Variants in KIAA1328 observed in about 807,000 individuals in gnomAD.
KIAA1328 encodes protein hinderin.
A neutral mutation model predicts 68.1 loss-of-function variants in KIAA1328; 52 were observed. That is an observed-to-expected ratio of 0.76 (90% CI 0.61 to 0.96). The LOEUF (loss-of-function observed/expected upper bound fraction) is 0.96, where lower values mean the gene tolerates loss of function less well. Among genes scored for constraint, KIAA1328 ranks in the 40% least tolerant of loss-of-function variants. KIAA1328 has a pLI of 0.00. For missense variants in KIAA1328, 641 were observed against 677.6 expected, an observed-to-expected ratio of 0.95 and a Z score of 0.60; for synonymous variants, 232 against 239.4, an observed-to-expected ratio of 0.97 and a Z score of 0.28.
intron 9 of KIAA1328, among the ~76,000 whole-genome samples, chr18:37,221,372 A>G (rs2060559854): frequency 6.6e-6 from 1 of 152,348 alleles, no homozygotes; most frequent in South Asian, 2.1e-4. Context: ...CTTACACATG[A>G]AAAGACTGAA....
chr18:37,051,068 G>C (rs933317837), intron 6 of KIAA1328, among the ~76,000 whole-genome samples: 11 of 152,034 alleles, frequency 7.2e-5, no homozygotes, highest in African/African-American at 2.7e-4. Flanking sequence ...TTATAATCAA[G>C]GTCTTTTGAC....
chr18:37,034,000 A>T (rs374778197), intron 6 of KIAA1328, among the ~76,000 whole-genome samples: 69 of 152,240 alleles, frequency 4.5e-4, no homozygotes, highest in African/African-American at 1.6e-3. Context: ...ATTTTGTCTA[A>T]TTTTCTAATT....
chr18:37,192,844 T>C (rs2059931777), intron 9 of KIAA1328, among the ~76,000 whole-genome samples: 1 of 152,218 alleles, frequency 6.6e-6, no homozygotes, highest in South Asian at 2.1e-4. Context: ...TTTCCCAGTA[T>C]TTGGAAGTAC....
intron 1 of KIAA1328, chr18:36,833,325 C>G (rs1411067767): frequency 6.6e-6 from 1 of 151,972 alleles, no homozygotes; most frequent in East Asian, 1.9e-4. Context: ...CTAAAGTGAG[C>G]CATGAAGATA....
intron 6 of KIAA1328, among the ~76,000 whole-genome samples, chr18:37,053,513 G>C (rs2055785765): frequency 6.6e-6 from 1 of 152,118 alleles, no homozygotes; most frequent in Non-Finnish European, 1.5e-5. Context: ...AAGAGCTTCT[G>C]CACAGCAAAA....
chr18:37,044,217 G>T (rs913829723), intron 6 of KIAA1328, among the ~76,000 whole-genome samples: 3 of 152,070 alleles, frequency 2.0e-5, no homozygotes, highest in African/African-American at 7.2e-5. Flanking sequence ...GGGAATTTTA[G>T]ACTATTGATT....
Position 37,140,780 on chromosome 18 carries a change from T to C in KIAA1328, c.1233-19420T>C, listed in dbSNP as rs149145619. Among the ~76,000 whole-genome samples, 22 of 152,288 alleles carry C rather than the reference T, an allele frequency of 1.4e-4. No homozygotes were observed. The East Asian group carries it at 4.0e-3, about 28-fold the overall frequency. On this transcript the variant is annotated intron_variant, in intron 7 of 9. Transcript: ENST00000280020. Reference sequence around the variant, plus strand: ...GCTAAATAAGAATGACAGAAAACTGTTTCTAATAATTCCATCCATATCAGT... The same window carrying C: ...GCTAAATAAGAATGACAGAAAACTGCTTCTAATAATTCCATCCATATCAGT...
chr18:36,897,904 A>G (rs536434250), intron 5 of KIAA1328, among the ~76,000 whole-genome samples: 1 of 152,194 alleles, frequency 6.6e-6, no homozygotes, highest in South Asian at 2.1e-4. Context: ...TTAAATTTAA[A>G]AAAATTATAT....
intron 7 of KIAA1328, among the ~76,000 whole-genome samples, chr18:37,112,748 C>G (rs2057972331): frequency 6.6e-6 from 1 of 152,064 alleles, no homozygotes; most frequent in Admixed American, 6.6e-5. Context: ...CGCAAAGAAG[C>G]TGAATACCTT....
intron 7 of KIAA1328, among the ~76,000 whole-genome samples, chr18:37,100,501 G>A (rs918488662): frequency 2.6e-5 from 4 of 152,240 alleles, no homozygotes; most frequent in African/African-American, 9.6e-5. Context: ...TGAGGGTTGA[G>A]TAGGTAAACA....
At chr18:36,886,289 C>T (rs554984356) in intron 5 of KIAA1328, 1 of 152,268 alleles carries the variant, frequency 6.6e-6, no homozygotes, top group South Asian at 2.1e-4. Flanking sequence ...TTCTGTTGCA[C>T]TGCTGTAATT....
chr18:37,168,194 ATTGT>A (rs1452538135), intron 8 of KIAA1328, among the ~76,000 whole-genome samples: 4 of 152,252 alleles, frequency 2.6e-5, no homozygotes. Flanking sequence ...TTTATAGGAA[ATTGT>A]TTGTTGACTC....
At chr18:36,975,899 C>T (rs1328083609) in intron 6 of KIAA1328, among the ~76,000 whole-genome samples, 1 of 151,962 alleles carries the variant, frequency 6.6e-6, no homozygotes, top group East Asian at 1.9e-4. Flanking sequence ...AATTTTGTAC[C>T]TATGATTTAC....
At chr18:37,068,949 G>T (rs1387890568) in intron 7 of KIAA1328, among the ~76,000 whole-genome samples, 1 of 152,014 alleles carries the variant, frequency 6.6e-6, no homozygotes, top group East Asian at 1.9e-4. Context: ...GTTGCTTAAT[G>T]AGATCTTTCA....
intron 9 of KIAA1328, among the ~76,000 whole-genome samples, chr18:37,220,381 T>C (rs2060534637): frequency 6.6e-6 from 1 of 152,224 alleles, no homozygotes; most frequent in African/African-American, 2.4e-5. Context: ...AAAATTGTAT[T>C]CCTCATTAAT....
chr18:37,198,586 A>C (rs1226875914), intron 9 of KIAA1328, among the ~76,000 whole-genome samples: 1 of 152,226 alleles, frequency 6.6e-6, no homozygotes, highest in Non-Finnish European at 1.5e-5. Context: ...GTTATCCAGT[A>C]AGCAATAAAA....
chr18:37,108,112 A>C (rs2057825530), intron 7 of KIAA1328, among the ~76,000 whole-genome samples: 1 of 152,204 alleles, frequency 6.6e-6, no homozygotes, highest in South Asian at 2.1e-4. Context: ...GCAAAGACAT[A>C]GAATGAACCC....
At chr18:37,129,490 T>G (rs1568443837) in intron 7 of KIAA1328, among the ~76,000 whole-genome samples, 1 of 152,262 alleles carries the variant, frequency 6.6e-6, no homozygotes, top group Non-Finnish European at 1.5e-5. Context: ...GTAAGTCCAA[T>G]GAAAACAAAA....
intron 7 of KIAA1328, among the ~76,000 whole-genome samples, chr18:37,119,919 G>A (rs2058224091): frequency 6.6e-6 from 1 of 152,232 alleles, no homozygotes; most frequent in African/African-American, 2.4e-5. Flanking sequence ...GAAGCTCTTA[G>A]AGAAATGGTT....
Sources: allele counts gnomAD v4.1 joint callset (sites outside exome capture counted in the v4.1 genomes callset), GRCh38; gene constraint gnomAD v4.1.1; transcripts MANE v1.5; gene names NCBI Gene and HGNC (gene_info 2026-07-23, HGNC 2026-07-21).